The following LTBP4 variants were observed in gnomAD, a reference collection of about 807,000 sequenced individuals.
LTBP4 encodes latent transforming growth factor beta binding protein 4.
In LTBP4, 93 loss-of-function variants were observed where a neutral mutation model predicts 180.2. That is an observed-to-expected ratio of 0.52 (90% CI 0.44 to 0.61). The LOEUF (loss-of-function observed/expected upper bound fraction) is 0.61. Among genes scored for constraint, LTBP4 ranks in the 20% least tolerant of loss-of-function variants. LTBP4 has a pLI of 0.00. For missense variants in LTBP4, 2,116 were observed against 2,256.5 expected (o/e 0.94, Z 1.26); for synonymous variants, 947 against 934.5 (o/e 1.01, Z -0.24).
chr19:40,607,646 GC>G, intron 7 of LTBP4, 117 bp downstream of exon 7: 1 of 1,208,268 alleles, frequency 8.3e-7, no homozygotes, highest in Non-Finnish European at 1.1e-6. Context: ...TCCAGCCTTG[GC>G]CACGCAGCAG....
At chr19:40,596,735 G>C (rs1363269459), upstream of LTBP4, among the ~76,000 whole-genome samples, 1 of 152,062 alleles carries the variant, frequency 6.6e-6, no homozygotes, top group Non-Finnish European at 1.5e-5. Context: ...AGAATCCTCA[G>C]TCTCTCTCGT....
At position 40,619,408 on chromosome 19, in the gene LTBP4, A is replaced by G. The variant is rs35731433; in HGVS notation, c.3132A>G (p.Glu1044=). ...GAGCTGCCCTGTGTGAAAATGTCGA[A>G]GGCTCCTTCCTCTGTGTCTGCCCCA... ...VCGAALCENV[E]GSFLCVCPNS... The change falls in exon 22 of 30, where the codon GAA becomes GAG. Residue 1044 remains glutamate (E), a synonymous_variant. Transcript: ENST00000396819. 559 of 1,613,938 alleles carry G rather than the reference A, an allele frequency of 3.5e-4. No homozygotes were observed. The African/African-American group carries it at 6.3e-3, about 18-fold the overall frequency.
chr19:40,612,088 A>G lies in LTBP4; in HGVS notation c.2195A>G (p.Glu732Gly). ...TGCCCCCCAGATGTGGATGAGTGTG[A>G]GAACCACCTCGCATGCCCTGGGCAG... ...GSECEDVDEC[E>G]NHLACPGQEC... Residue 732 changes from glutamate (E) to glycine (G), a missense_variant, in exon 15 of 30, where the codon GAG becomes GGG. This residue lies in a region of LTBP4 where 877 missense variants were observed against 873.6 expected (regional missense o/e 1.00). Transcript: ENST00000396819. 6.2e-7 allele frequency: 1 copy of G among 1,613,584 alleles called. No homozygotes were observed. Among genetic ancestry groups the G allele is most frequent in the Non-Finnish European group, 8.5e-7 (1 of 1,179,752 alleles).
chr19:40,624,246 G>C (rs1156416418), intron 26 of LTBP4, among the ~76,000 whole-genome samples, 164 bp downstream of exon 26: 1 of 151,948 alleles, frequency 6.6e-6, no homozygotes, highest in African/African-American at 2.4e-5. Context: ...CCCACTGTCT[G>C]TCTCTCTGAG....
Position 40,605,411 on chromosome 19 carries a change from C to T in LTBP4, c.449C>T (p.Ala150Val). ...ANHRDDEHGV[A>V]SMVSVHVEHP... The stretch of plus-strand genomic sequence containing the variant: ...CCGGCCGTGCCTCCCCTAGGCGTGG[C>T]ATCTATGGTGAGCGTCCACGTGGAG... The change falls in exon 3 of 30, where the codon GCA becomes GTA. Residue 150 changes from alanine to valine, a missense_variant. Ala to Val is a moderately conservative substitution (Grantham distance 64). Transcript: ENST00000396819. The surrounding 1 kb of genome is among the most constrained non-coding windows in gnomAD (Gnocchi z 5.5). 2 of 1,612,902 alleles carry T rather than the reference C, an allele frequency of 1.2e-6. No individual in the cohort carries two copies. Among genetic ancestry groups the T allele is most frequent in the Non-Finnish European group, 1.7e-6 (2 of 1,179,850 alleles).
chr19:40,601,314 G>A (rs2081421954), upstream of LTBP4: 33 of 949,496 alleles, frequency 3.5e-5, no homozygotes, highest in Non-Finnish European at 4.1e-5. Flanking sequence ...CTCCCCCGCG[G>A]GCGGGCGGGC....
At chr19:40,599,515 C>T (rs760486020), upstream of LTBP4, 1 of 1,612,918 alleles carries the variant, frequency 6.2e-7, no homozygotes, top group Admixed American at 1.7e-5. Flanking sequence ...CCAGCCCCAG[C>T]GTGAGGAAGA....
At chr19:40,599,446 G>A (rs2081408454), upstream of LTBP4, 2 of 1,613,930 alleles carry the variant, frequency 1.2e-6, no homozygotes, top group Non-Finnish European at 1.7e-6. Flanking sequence ...GAAGCTGCCA[G>A]CCCAAAAAGT....
chr19:40,608,423 C>T (rs2081479571), intron 8 of LTBP4, 54 bp downstream of exon 8: 4 of 1,600,996 alleles, frequency 2.5e-6, no homozygotes, highest in Non-Finnish European at 3.4e-6. Context: ...GCCCCAGCCC[C>T]ATAGTGAAAG....
Position 40,624,024 on chromosome 19 carries a change from C to T in LTBP4, c.3774C>T (p.Pro1258=), listed in dbSNP as rs748685317. The T allele has an allele frequency of 1.1e-5, 18 of 1,608,148 alleles. No individual in the cohort carries two copies. The highest frequency in any genetic ancestry group is 1.2e-5 in the Non-Finnish European group (14 of 1,176,618). Residue 1258 remains proline (P), a synonymous_variant, in exon 26 of 30, where the codon CCC becomes CCT. Transcript: ENST00000396819. ...GCTCTTATCACTGTACCTGCGAGCC[C>T]CCACTGGTGCTGGATGGCTCGCAGC... ...TVGSYHCTCE[P]PLVLDGSQRR...
In LTBP4 at chr19:40,622,511, G is replaced by A. The variant is rs2146043905; in HGVS notation, c.3328G>A (p.Gly1110Arg). Residue 1110 changes from glycine (G) to arginine (R), a missense_variant, in exon 23 of 30, where the codon GGG (glycine) becomes AGG (arginine). This residue lies in a region of LTBP4 where 278 missense variants were observed against 373.0 expected (regional missense o/e 0.75). Coordinates refer to ENST00000396819, the MANE Select transcript of LTBP4 (RefSeq NM_001042545.2). The surrounding 1 kb of genome is among the most constrained non-coding windows in gnomAD (Gnocchi z 5.1). ...RPSTPRQGPV[G>R]SGRRECYFDT... ...CAGCACACCTAGGCAGGGCCCTGTG[G>A]GGAGTGGGCGCCGGGAGTGCTACTT... 1.2e-6 allele frequency: 2 copies of A among 1,613,626 alleles called. No individual in the cohort carries two copies. Among genetic ancestry groups the A allele is most frequent in the East Asian group, 2.2e-5 (1 of 44,884 alleles).
At chr19:40,623,198 G>C (rs946152039) in intron 24 of LTBP4, among the ~76,000 whole-genome samples, 177 bp downstream of exon 24, 1 of 135,922 alleles carries the variant, frequency 7.4e-6, no homozygotes, top group East Asian at 2.1e-4. Context: ...TCTTAAGATA[G>C]AGTTTTGTTC....
intron 1 of LTBP4, among the ~76,000 whole-genome samples, chr19:40,602,738 G>A (rs1238483354): frequency 6.6e-6 from 1 of 152,190 alleles, no homozygotes; most frequent in African/African-American, 2.4e-5. Flanking sequence ...TCCCCGCTTG[G>A]CCAGGGCTGT....
At position 40,624,086 on chromosome 19, in the gene LTBP4, AC is replaced by A; in HGVS notation, c.3832+8del. 1 of 1,538,590 alleles carries A rather than the reference AC, an allele frequency of 6.5e-7. No individual in the cohort carries two copies. On this transcript the variant is annotated splice_donor_5th_base_variant and intron_variant, in intron 26 of 29. Coordinates refer to ENST00000396819, the MANE Select transcript of LTBP4 (RefSeq NM_001042545.2). ...TCCAACGAGAGCCAGAGCCTCGGTA[AC>A]CCCGCCCACGCCATCCAGGCCCTCC...
At chr19:40,596,017 T>C (rs1012515718) in intron 1 of LTBP4, among the ~76,000 whole-genome samples, 1 of 146,026 alleles carries the variant, frequency 6.8e-6, no homozygotes, top group Non-Finnish European at 1.5e-5. Flanking sequence ...ACCTCCTGGG[T>C]TCAAACGATT....
chr19:40,612,306 T>A (rs867086444), intron 15 of LTBP4, 114 bp downstream of exon 15: 2 of 1,381,696 alleles, frequency 1.4e-6, no homozygotes, highest in Middle Eastern at 5.0e-4. Flanking sequence ...AGTCCCTCAG[T>A]CCCCAGAGCC....
chr19:40,615,193 C>CGGGGGGGGGGGG (rs766440164), intron 19 of LTBP4: 1 of 23,596 alleles, frequency 4.2e-5, no homozygotes, highest in African/African-American at 1.7e-4. Flanking sequence ...TTTGTGTCGG[C>CGGGGGGGGGGGG]GGGGGGGGGG....
chr19:40,614,201 C>T (rs1251406015), intron 18 of LTBP4, 114 bp from the exon 19 acceptor site: 1 of 1,460,892 alleles, frequency 6.8e-7, no homozygotes, highest in African/African-American at 1.4e-5. Context: ...CAATCTTCTC[C>T]TGCCCTCTCC....
Position 40,629,404 on chromosome 19 carries a change from G to T in LTBP4, c.4528G>T (p.Glu1510Ter). ...MTRMACVDIN[E>*]CDEAEAASPL... is the part of the protein sequence containing the mutation. Reference sequence around the variant, plus strand: ...TTGTCTCCCCTCCGCAGACATCAACGAGTGTGATGAGGCCGAGGCTGCCTC... The same window carrying T: ...TTGTCTCCCCTCCGCAGACATCAACTAGTGTGATGAGGCCGAGGCTGCCTC... The change falls in exon 30 of 30, where the codon GAG (glutamate) becomes TAG (stop). Residue 1510 changes from glutamate to a stop codon, truncating the protein, a stop_gained. Transcript: ENST00000396819. LOFTEE classifies it high-confidence loss of function. This position sits in a 1 kb window ranked among gnomAD's most constrained non-coding sequence, Gnocchi z 4.5. 1 of 1,612,998 alleles carries T rather than the reference G, an allele frequency of 6.2e-7. No homozygotes were observed.
Sources: allele counts gnomAD v4.1 joint callset (sites outside exome capture counted in the v4.1 genomes callset), GRCh38; gene constraint gnomAD v4.1.1; regional missense constraint gnomAD v4.1.1; non-coding constraint Gnocchi (gnomAD v3.1); transcripts MANE v1.5; gene names NCBI Gene and HGNC (gene_info 2026-07-23, HGNC 2026-07-21).